The following ABCB5 variants were observed in gnomAD, a reference collection of about 807,000 sequenced individuals.
ABCB5 encodes ATP-binding cassette sub-family B member 5.
In ABCB5, 155 loss-of-function variants were observed where a neutral mutation model predicts 144.2. The observed-to-expected ratio is 1.08, with a 90% confidence interval of 0.94 to 1.23. The LOEUF is 1.23. Among genes scored for constraint, ABCB5 ranks in the 50% most tolerant of loss-of-function variants. The pLI, the probability that ABCB5 is intolerant of heterozygous loss-of-function variation, is 0.00. For synonymous variants in ABCB5, 610 were observed against 528.6 expected (o/e 1.15, Z -2.11); for missense variants, 1,830 against 1,520.8 (o/e 1.20, Z -3.38).
chr7:20,723,076 A>G lies in ABCB5; in HGVS notation c.2482A>G (p.Ile828Val). 6 of 1,614,166 alleles carry G rather than the reference A, an allele frequency of 3.7e-6. No homozygotes were observed. Among genetic ancestry groups the G allele is most frequent in the Non-Finnish European group, 5.1e-6 (6 of 1,180,016 alleles). The change falls in exon 21 of 28, where the codon ATC becomes GTC. Residue 828 changes from isoleucine (I) to valine (V), a missense_variant. Coordinates refer to ENST00000404938, the MANE Select transcript of ABCB5 (RefSeq NM_001163941.2). ...TGCAACTAACATGGGACTTTCAGTT[A>G]TCATTTCCTTTATATATGGATGGGA... is the stretch of plus-strand genomic sequence containing the variant. ...QNATNMGLSV[I>V]ISFIYGWEMT... is the part of the protein sequence containing the mutation.
intron 13 of ABCB5, among the ~76,000 whole-genome samples, chr7:20,653,211 A>G (rs887940058): frequency 6.6e-6 from 1 of 152,222 alleles, no homozygotes; most frequent in African/African-American, 2.4e-5. Context: ...AAAGCCAAAT[A>G]CTACACAAAG....
intron 15 of ABCB5, among the ~76,000 whole-genome samples, chr7:20,684,503 C>A (rs1785928062): frequency 6.6e-6 from 1 of 152,124 alleles, no homozygotes; most frequent in African/African-American, 2.4e-5. Context: ...CCTGTAATCC[C>A]AGCTACTTGG....
chr7:20,689,504 T>A (rs1159238391), intron 16 of ABCB5, among the ~76,000 whole-genome samples: 1 of 152,306 alleles, frequency 6.6e-6, no homozygotes, highest in East Asian at 1.9e-4. Context: ...CAGTTCTGCA[T>A]GTGGGAGGGT....
intron 26 of ABCB5, 22 bp downstream of exon 26, chr7:20,745,460 T>G: frequency 6.2e-7 from 1 of 1,612,630 alleles, no homozygotes; most frequent in Non-Finnish European, 8.5e-7. Flanking sequence ...TCTGAAATCT[T>G]GAATTATAAA....
intron 1 of ABCB5, 52 bp from the exon 2 acceptor site, chr7:20,623,213 T>A: frequency 1.9e-6 from 2 of 1,059,476 alleles, no homozygotes; most frequent in East Asian, 5.2e-5. Flanking sequence ...GTATATCAAC[T>A]AAGTGATAAA....
chr7:20,754,576 G>A (rs184903731), intron 27 of ABCB5, among the ~76,000 whole-genome samples: 13 of 152,224 alleles, frequency 8.5e-5, no homozygotes, highest in Admixed American at 3.3e-4. Context: ...TCTATATAGC[G>A]TCATAACCTC....
intron 14 of ABCB5, chr7:20,660,491 T>C: frequency 2.4e-6 from 2 of 826,268 alleles, no homozygotes; most frequent in Non-Finnish European, 2.9e-6. Context: ...TCATATACTC[T>C]TCAGTTTATT....
chr7:20,618,651 G>T (rs966300382), intron 1 of ABCB5, among the ~76,000 whole-genome samples: 1 of 149,956 alleles, frequency 6.7e-6, no homozygotes, highest in Admixed American at 6.7e-5. Context: ...ATTTATCAGT[G>T]AAAACATACA....
At chr7:20,691,582 T>TTTTATTTA (rs71020667) in intron 16 of ABCB5, among the ~76,000 whole-genome samples, 11,858 of 146,808 alleles carry the variant, frequency 0.081, 526 homozygotes, top group African/African-American at 0.089. Context: ...TTAAATTCAT[T>TTTTATTTA]TTTATTTATT....
chr7:20,641,637 A>G (rs17216432), intron 5 of ABCB5: 2,700 of 153,586 alleles, frequency 0.018, 35 homozygotes, highest in Non-Finnish European at 0.029. Context: ...GACTGATTAG[A>G]TCCCCACAGT....
At chr7:20,742,134 G>A (rs1239417386) in intron 24 of ABCB5, among the ~76,000 whole-genome samples, 2 of 152,178 alleles carry the variant, frequency 1.3e-5, no homozygotes, top group African/African-American at 4.8e-5. Context: ...AGCACTTCGG[G>A]AGGCCAAGGT....
chr7:20,658,464 C>T (rs374548197), intron 13 of ABCB5, 42 bp from the exon 14 acceptor site: 56 of 1,590,054 alleles, frequency 3.5e-5, no homozygotes, highest in East Asian at 4.5e-5. Context: ...CATTTGATCA[C>T]GCTGCCTTCT....
chr7:20,750,748 T>G (rs184375841), intron 26 of ABCB5, among the ~76,000 whole-genome samples: 22 of 152,102 alleles, frequency 1.4e-4, no homozygotes, highest in African/African-American at 5.3e-4. Context: ...TGGATCTGTG[T>G]AACGGCTCAA....
chr7:20,693,592 C>G (rs1305927363), intron 16 of ABCB5, among the ~76,000 whole-genome samples: 4 of 151,898 alleles, frequency 2.6e-5, no homozygotes, highest in Non-Finnish European at 5.9e-5. Context: ...GTATAGGAAG[C>G]TTAAAGTGAT....
intron 14 of ABCB5, among the ~76,000 whole-genome samples, chr7:20,663,316 A>G (rs1399011261): frequency 6.6e-6 from 1 of 152,210 alleles, no homozygotes; most frequent in Non-Finnish European, 1.5e-5. Context: ...AGCATCATCT[A>G]CAGTAGCCAA....
At chr7:20,742,698 T>C (rs1782599185) in intron 24 of ABCB5, among the ~76,000 whole-genome samples, 179 bp from the exon 25 acceptor site, 1 of 152,060 alleles carries the variant, frequency 6.6e-6, no homozygotes, top group Admixed American at 6.6e-5. Flanking sequence ...CAAAAAAATA[T>C]AAACAAAAGT....
intron 15 of ABCB5, among the ~76,000 whole-genome samples, chr7:20,683,259 T>C (rs933883510): frequency 6.6e-6 from 1 of 152,196 alleles, no homozygotes; most frequent in African/African-American, 2.4e-5. Flanking sequence ...AATGTAGTTT[T>C]TATTAATTGA....
intron 20 of ABCB5, among the ~76,000 whole-genome samples, chr7:20,706,456 C>G (rs982392544): frequency 6.6e-6 from 1 of 152,168 alleles, no homozygotes; most frequent in Admixed American, 6.5e-5. Context: ...CATTACTGTC[C>G]TTACATTTAT....
chr7:20,643,536 T>C lies in ABCB5; in HGVS notation c.582T>C (p.Ile194=). The C allele has an allele frequency of 1.2e-6, 2 of 1,614,046 alleles. No individual in the cohort carries two copies. The highest frequency in any genetic ancestry group is 1.6e-4 in the Middle Eastern group (1 of 6,062). The part of the protein sequence containing the change: ...LLFQNMSTFS[I]GLAVGLVKGW... ...TTCAAAACATGTCTACTTTTTCGATTGGCCTGGCAGTTGGTTTGGTGAAGG... is the reference window on the plus strand; with the variant it reads ...TTCAAAACATGTCTACTTTTTCGATCGGCCTGGCAGTTGGTTTGGTGAAGG... Residue 194 remains isoleucine, a synonymous_variant, in exon 7 of 28, where the codon ATT becomes ATC. Coordinates refer to ENST00000404938, the MANE Select transcript of ABCB5 (RefSeq NM_001163941.2).
Sources: gnomAD v4.1 joint callset for allele counts (sites outside exome capture counted in the v4.1 genomes callset) on GRCh38, gnomAD v4.1.1 for gene constraint, MANE v1.5 for transcripts, NCBI Gene and HGNC (gene_info 2026-07-23, HGNC 2026-07-21) for gene names.